ATP7A: variants seen among roughly 807,000 people sequenced by gnomAD.
ATP7A encodes the protein ATPase copper transporting alpha.
A neutral mutation model predicts 83.5 loss-of-function variants in ATP7A; 7 were observed. That is an observed-to-expected ratio of 0.08 (90% CI 0.05 to 0.16). ATP7A has a LOEUF of 0.16. Among genes scored for constraint, ATP7A ranks in the 10% least tolerant of loss-of-function variants. The pLI is 1.00. For missense variants in ATP7A, 940 were observed against 1,120.8 expected, an observed-to-expected ratio of 0.84 and a Z score of 2.30; for synonymous variants, 354 against 395.2, an observed-to-expected ratio of 0.90 and a Z score of 1.24.
chrX:77,996,128 A>C (rs1477216765), intron 4 of ATP7A, among the ~76,000 whole-genome samples: 3 of 112,494 alleles, frequency 2.7e-5, no homozygotes, highest in Non-Finnish European at 5.6e-5. Context: ...AATTTCATGC[A>C]GGTTCCACAG....
At position 78,046,534 on chromosome X, in the gene ATP7A, G is replaced by A; in HGVS notation, c.4467G>A (p.Val1489=). 1 of 1,211,700 alleles carries A rather than the reference G, an allele frequency of 8.3e-7. No individual in the cohort carries two copies. The highest frequency in any genetic ancestry group is 1.1e-6 in the Non-Finnish European group (1 of 895,531). ...AACCTGACAAGCACTCACTCCTGGT[G>A]GGAGACTTCAGGGAAGATGATGACA... ...TSEPDKHSLL[V]GDFREDDDTA... is the part of the protein sequence containing the mutation. Residue 1489 remains valine (V), a synonymous_variant, in exon 23 of 23, where the codon GTG becomes GTA. Transcript: ENST00000341514.
At chrX:77,926,829 A>G (rs1211200595) in intron 1 of ATP7A, among the ~76,000 whole-genome samples, 1 of 109,746 alleles carries the variant, frequency 9.1e-6, no homozygotes, top group Admixed American at 9.8e-5. Context: ...CAGCCCCCCA[A>G]GTAGCTGGGA....
In ATP7A at chrX:78,029,839, C is replaced by T. The variant is rs782253396; in HGVS notation, c.3111+395C>T. Among the ~76,000 whole-genome samples, 56 of 111,677 alleles carry T rather than the reference C, an allele frequency of 5.0e-4. No homozygotes were observed. In the Admixed American group the frequency reaches 5.0e-3, roughly 10 times the overall value. On this transcript the variant is annotated intron_variant, in intron 15 of 22. Coordinates refer to ENST00000341514, the MANE Select transcript of ATP7A (RefSeq NM_000052.7). Reference sequence around the variant, plus strand: ...TCACTGGGACCTTCAATTGCAGTGCCGTTTCTTTGCCTTTGCTGCCACCAG... The same window carrying T: ...TCACTGGGACCTTCAATTGCAGTGCTGTTTCTTTGCCTTTGCTGCCACCAG...
At chrX:77,974,657 G>A (rs989019084) in intron 2 of ATP7A, 5 of 288,728 alleles carry the variant, frequency 1.7e-5, no homozygotes, top group Non-Finnish European at 3.0e-5. Flanking sequence ...GTTTGCTGAG[G>A]GTTTTTTTAA....
At chrX:77,943,635 A>C (rs1557225876) in intron 1 of ATP7A, among the ~76,000 whole-genome samples, 1 of 112,422 alleles carries the variant, frequency 8.9e-6, no homozygotes, top group East Asian at 2.7e-4. Flanking sequence ...GTTTTAATGA[A>C]ACTAAAGTAA....
intron 1 of ATP7A, among the ~76,000 whole-genome samples, chrX:77,914,329 C>T (rs2077174525): frequency 9.0e-6 from 1 of 110,902 alleles, no homozygotes; most frequent in Non-Finnish European, 1.9e-5. Context: ...TAACTCACTG[C>T]AGTCTCGATC....
At chrX:78,039,761 A>G (rs1236511263) in intron 18 of ATP7A, among the ~76,000 whole-genome samples, 4 of 112,386 alleles carry the variant, frequency 3.6e-5, no homozygotes, top group African/African-American at 9.7e-5. Context: ...AGTAAATTTT[A>G]CCTCAATAAA....
chrX:78,021,151 G>T (rs1235784983), intron 14 of ATP7A, 72 bp downstream of exon 14: 37 of 1,040,928 alleles, frequency 3.6e-5, no homozygotes, highest in Non-Finnish European at 4.8e-5. Flanking sequence ...TAATTCATTG[G>T]AAATAACTTT....
intron 19 of ATP7A, 88 bp downstream of exon 19, chrX:78,040,821 C>G (rs782096850): frequency 9.4e-7 from 1 of 1,065,220 alleles, no homozygotes; most frequent in Non-Finnish European, 1.3e-6. Context: ...ACATTACCTA[C>G]TATTTTCATT....
chrX:77,982,881 G>T (rs1293816671), intron 2 of ATP7A, among the ~76,000 whole-genome samples: 7 of 111,753 alleles, frequency 6.3e-5, no homozygotes, highest in Non-Finnish European at 1.3e-4. Context: ...CCATAAAGTG[G>T]GTGGCTTATA....
chrX:78,043,648 T>TC (rs1467516778), intron 21 of ATP7A, among the ~76,000 whole-genome samples: 1 of 108,195 alleles, frequency 9.2e-6, no homozygotes, highest in East Asian at 2.9e-4. Flanking sequence ...TTTATTTTTT[T>TC]CCCTCCAACT....
intron 1 of ATP7A, chrX:77,969,713 C>G (rs1026555907): frequency 8.8e-7 from 1 of 1,142,012 alleles, no homozygotes; most frequent in Admixed American, 2.2e-5. Context: ...AATTCTTTTT[C>G]CCACCCTTAT....
At chrX:78,013,892 CTAAGT>C (rs72473640) in intron 10 of ATP7A, among the ~76,000 whole-genome samples, 28,667 of 109,668 alleles carry the variant, frequency 0.26, 3,007 homozygotes, top group African/African-American at 0.37. Flanking sequence ...CAAATTCTTT[CTAAGT>C]TAATAGACAT....
chrX:78,028,623 G>A (rs1423678402), intron 14 of ATP7A, among the ~76,000 whole-genome samples: 1 of 112,318 alleles, frequency 8.9e-6, no homozygotes, highest in Non-Finnish European at 1.9e-5. Flanking sequence ...ACAGATGTGA[G>A]CCCGTGCACA....
At chrX:77,961,297 A>G (rs1557228049) in intron 1 of ATP7A, among the ~76,000 whole-genome samples, 1 of 111,879 alleles carries the variant, frequency 8.9e-6, no homozygotes, top group Non-Finnish European at 1.9e-5. Flanking sequence ...TCAGTTCCTC[A>G]GTAAGCCTGA....
intron 12 of ATP7A, among the ~76,000 whole-genome samples, chrX:78,016,432 G>A (rs1051986164): frequency 2.7e-5 from 3 of 110,734 alleles, no homozygotes; most frequent in Non-Finnish European, 5.7e-5. Flanking sequence ...CCTCCCAAAT[G>A]TCATGTCTTT....
chrX:78,020,797 A>G, intron 13 of ATP7A, 148 bp from the exon 14 acceptor site: 1 of 625,339 alleles, frequency 1.6e-6, no homozygotes, highest in South Asian at 2.7e-5. Flanking sequence ...TTGGGATTAC[A>G]GGTGTGAGCC....
chrX:77,915,665 G>A (rs1187448115), intron 1 of ATP7A, among the ~76,000 whole-genome samples: 2 of 111,420 alleles, frequency 1.8e-5, no homozygotes, highest in African/African-American at 6.5e-5. Flanking sequence ...AAATTTAGTA[G>A]ACTACAGGAT....
chrX:78,026,953 A>G (rs1557236412), intron 14 of ATP7A, among the ~76,000 whole-genome samples: 1 of 111,281 alleles, frequency 9.0e-6, no homozygotes, highest in Non-Finnish European at 1.9e-5. Flanking sequence ...GTTCAAGACC[A>G]GCCTGGCCAA....
Sources: allele counts gnomAD v4.1 joint callset (sites outside exome capture counted in the v4.1 genomes callset), GRCh38; gene constraint gnomAD v4.1.1; transcripts MANE v1.5; gene names NCBI Gene and HGNC (gene_info 2026-07-23, HGNC 2026-07-21).